ACCSL: variants seen among roughly 807,000 people sequenced by gnomAD.
ACCSL encodes the protein 1-aminocyclopropane-1-carboxylate synthase homolog (inactive) like, also known as probable inactive 1-aminocyclopropane-1-carboxylate synthase-like protein 2.
A neutral mutation model predicts 61.7 loss-of-function variants in ACCSL; 55 were observed. The ratio of observed to expected loss-of-function variants is 0.89; its 90% CI spans 0.72 to 1.12. The LOEUF is 1.12. Ranked by LOEUF, ACCSL falls within the 50% of genes most tolerant of loss-of-function variation. The probability of loss-of-function intolerance (pLI) is 0.00; values close to 1 mark genes in which losing one functional copy is unlikely to be tolerated. For synonymous variants in ACCSL, 258 were observed against 264.3 expected (o/e 0.98, Z 0.23); for missense variants, 632 against 698.0 (o/e 0.91, Z 1.07).
chr11:44,034,841 C>A, the ACCSL span, among the ~76,000 whole-genome samples: 3 of 152,210 alleles, frequency 2.0e-5, no homozygotes, highest in Non-Finnish European at 2.9e-5. Flanking sequence ...GTCCCAGGCA[C>A]CCTGAGTGGT....
At chr11:43,924,474 C>T in the ACCSL span, among the ~76,000 whole-genome samples, 1 of 152,226 alleles carries the variant, frequency 6.6e-6, no homozygotes, top group Non-Finnish European at 1.5e-5. Flanking sequence ...GCCTTGTGAC[C>T]GTGTTGTGAG....
upstream of ACCSL, among the ~76,000 whole-genome samples, chr11:44,043,264 C>G (rs941682524): frequency 6.6e-6 from 1 of 152,096 alleles, no homozygotes; most frequent in African/African-American, 2.4e-5. Flanking sequence ...TAGAAAAGTT[C>G]CTTGGGCCCC....
At chr11:43,957,017 G>C in the ACCSL span, among the ~76,000 whole-genome samples, 2 of 152,166 alleles carry the variant, frequency 1.3e-5, no homozygotes, top group African/African-American at 4.8e-5. Flanking sequence ...AGAAAAACGG[G>C]ATAGAGGCAG....
At chr11:43,932,428 G>A in the ACCSL span, among the ~76,000 whole-genome samples, 7 of 152,162 alleles carry the variant, frequency 4.6e-5, no homozygotes, top group Non-Finnish European at 8.8e-5. Flanking sequence ...CCAACATGCC[G>A]GGCTAACTTT....
the ACCSL span, among the ~76,000 whole-genome samples, chr11:44,016,780 C>T: frequency 1.5e-4 from 23 of 152,102 alleles, no homozygotes; most frequent in Admixed American, 1.2e-3. Flanking sequence ...GAGAAGCAGC[C>T]GAGTACCCAG....
the ACCSL span, among the ~76,000 whole-genome samples, chr11:43,948,775 C>T: frequency 6.6e-6 from 1 of 152,176 alleles, no homozygotes; most frequent in Non-Finnish European, 1.5e-5. Context: ...CTCACTGTAA[C>T]CCCCTGTGGC....
chr11:44,021,317 AGGAGTT>A, the ACCSL span, among the ~76,000 whole-genome samples: 1 of 152,094 alleles, frequency 6.6e-6, no homozygotes, highest in African/African-American at 2.4e-5. Flanking sequence ...CCATTCTTGC[AGGAGTT>A]AGGCGGTATT....
At position 44,048,629 on chromosome 11, in the gene ACCSL, T is replaced by C; in HGVS notation, c.504+89T>C. 2 of 1,150,594 alleles carry C rather than the reference T, an allele frequency of 1.7e-6. 1 individual carries two copies. The highest frequency in any genetic ancestry group is 2.8e-5 in the South Asian group (2 of 70,336). The allele number at this position is 1,150,594 out of a possible 1,614,324, so 71.3% of individuals were successfully genotyped here. A position where few individuals can be genotyped will look rare whatever the true frequency, so the allele number is the denominator to read the frequency against. The stretch of plus-strand genomic sequence containing the variant: ...GTCCTGGGCCAAGTGCTATATATGC[T>C]CTCATTCTTTATAGCCTTATGAAAC... On this transcript the variant is annotated intron_variant, in intron 1 of 13. Coordinates refer to ENST00000378832, the MANE Select transcript of ACCSL (RefSeq NM_001031854.2).
the ACCSL span, among the ~76,000 whole-genome samples, chr11:44,039,968 G>A: frequency 9.8e-5 from 15 of 152,308 alleles, no homozygotes; most frequent in African/African-American, 3.1e-4. Context: ...CCACCCTCGG[G>A]GAGGTAGGTT....
At chr11:43,979,177 T>G in the ACCSL span, among the ~76,000 whole-genome samples, 807 of 152,104 alleles carry the variant, frequency 5.3e-3, 12 homozygotes, top group African/African-American at 0.019. Context: ...CAAATAATTT[T>G]AAAAATTAGC....
the ACCSL span, among the ~76,000 whole-genome samples, chr11:43,951,627 AC>A: frequency 6.6e-6 from 1 of 152,146 alleles, no homozygotes; most frequent in Admixed American, 6.6e-5. Context: ...CCCCAAAGCA[AC>A]CCCCAAAGAG....
chr11:44,015,949 CT>C, the ACCSL span, among the ~76,000 whole-genome samples: 1 of 152,102 alleles, frequency 6.6e-6, no homozygotes, highest in East Asian at 1.9e-4. Flanking sequence ...TCTTTGTTTC[CT>C]TTAGTCATTT....
chr11:43,939,520 C>T, the ACCSL span, among the ~76,000 whole-genome samples: 3 of 152,128 alleles, frequency 2.0e-5, no homozygotes, highest in African/African-American at 7.2e-5. Context: ...CAACGGCCCC[C>T]CCTCCCCACC....
the ACCSL span, among the ~76,000 whole-genome samples, chr11:43,986,745 A>G: frequency 4.6e-5 from 7 of 152,240 alleles, 1 homozygote; most frequent in African/African-American, 1.2e-4. Context: ...TGCCTGCATC[A>G]CATGAGTTTG....
chr11:43,969,016 C>T, the ACCSL span, among the ~76,000 whole-genome samples: 1 of 152,108 alleles, frequency 6.6e-6, no homozygotes, highest in Admixed American at 6.6e-5. Context: ...TCTGGGTGTT[C>T]CATACTTTCT....
the ACCSL span, among the ~76,000 whole-genome samples, chr11:43,955,606 C>T: frequency 6.6e-6 from 1 of 152,140 alleles, no homozygotes; most frequent in Non-Finnish European, 1.5e-5. Flanking sequence ...GGCCACAGGA[C>T]TGGTGGGTGG....
chr11:43,989,709 A>G, the ACCSL span, among the ~76,000 whole-genome samples: 9 of 152,320 alleles, frequency 5.9e-5, no homozygotes, highest in African/African-American at 1.9e-4. Context: ...TCTCTGCACT[A>G]TGGAGGAGCC....
At chr11:44,002,403 C>T in the ACCSL span, among the ~76,000 whole-genome samples, 2 of 152,158 alleles carry the variant, frequency 1.3e-5, no homozygotes, top group Non-Finnish European at 2.9e-5. Flanking sequence ...CTGGAAGAAG[C>T]CCCCCGCGTG....
the ACCSL span, among the ~76,000 whole-genome samples, chr11:43,947,520 G>A: frequency 4.6e-5 from 7 of 152,076 alleles, no homozygotes; most frequent in African/African-American, 1.7e-4. Flanking sequence ...GGGAAGAGTG[G>A]GCAAGACATA....
Sources: allele counts gnomAD v4.1 joint callset (sites outside exome capture counted in the v4.1 genomes callset), GRCh38; gene constraint gnomAD v4.1.1; transcripts MANE v1.5; gene names NCBI Gene and HGNC (gene_info 2026-07-23, HGNC 2026-07-21).